The following WDPCP variants were observed in gnomAD, a reference collection of about 807,000 sequenced individuals.
The protein encoded by WDPCP is WD repeat-containing and planar cell polarity effector protein fritz homolog.
Under a neutral mutation model 93.1 loss-of-function variants are expected in WDPCP, and 71 were observed. That is an observed-to-expected ratio of 0.76 (90% CI 0.63 to 0.93). The LOEUF is 0.93. Ranked by LOEUF, WDPCP falls within the 40% of genes least tolerant of loss-of-function variation. The pLI is 0.00. For synonymous variants in WDPCP, 315 were observed against 315.0 expected, an observed-to-expected ratio of 1.00 and a Z score of 0.00; for missense variants, 844 against 887.4, an observed-to-expected ratio of 0.95 and a Z score of 0.62.
At chr2:63,835,020 G>A in the WDPCP span, among the ~76,000 whole-genome samples, 1 of 151,676 alleles carries the variant, frequency 6.6e-6, no homozygotes, top group Non-Finnish European at 1.5e-5. Context: ...TGGCATTTTG[G>A]TACTATCTGG....
intron 2 of WDPCP, among the ~76,000 whole-genome samples, chr2:63,776,242 C>T (rs1035912945): frequency 6.7e-6 from 1 of 150,228 alleles, no homozygotes; most frequent in Non-Finnish European, 1.5e-5. Context: ...TTGCAAATCA[C>T]ACCTCAGATA....
At chr2:63,798,684 C>T (rs1670648054) in intron 2 of WDPCP, among the ~76,000 whole-genome samples, 1 of 151,758 alleles carries the variant, frequency 6.6e-6, no homozygotes, top group Admixed American at 6.6e-5. Flanking sequence ...ACCAAACAAC[C>T]AGAAAATAAA....
chr2:63,256,586 G>C (rs941389181), intron 14 of WDPCP, among the ~76,000 whole-genome samples: 3 of 152,114 alleles, frequency 2.0e-5, no homozygotes, highest in Admixed American at 6.6e-5. Context: ...CAACTTCTAA[G>C]CACAGTCAAA....
At chr2:63,328,603 G>A (rs1687746992) in intron 12 of WDPCP, among the ~76,000 whole-genome samples, 1 of 152,202 alleles carries the variant, frequency 6.6e-6, no homozygotes, top group Non-Finnish European at 1.5e-5. Context: ...AACACTCACT[G>A]CGAGCGTCCG....
At chr2:63,756,519 A>G (rs943939752) in intron 2 of WDPCP, among the ~76,000 whole-genome samples, 2 of 152,190 alleles carry the variant, frequency 1.3e-5, no homozygotes, top group South Asian at 4.1e-4. Flanking sequence ...AATAACATTT[A>G]CCTCAAAACA....
rs750082429 is a variant in WDPCP, at chr2:63,147,455, C to T, written c.2190+5459G>A. ...TAAGTGGGTTATAGAGAATCAAGAA[C>T]GACAGAGACCACATATGGAGGAGCA... is the stretch of plus-strand genomic sequence containing the variant. On this transcript the variant is annotated intron_variant, in intron 17 of 17. Transcript: ENST00000272321. 1.6e-4 allele frequency among the ~76,000 whole-genome samples: 24 copies of T among 152,178 alleles called. No individual in the cohort carries two copies. The East Asian group carries it at 1.7e-3, about 11-fold the overall frequency.
At chr2:63,818,951 T>C (rs535549394) in intron 1 of WDPCP, among the ~76,000 whole-genome samples, 359 of 152,314 alleles carry the variant, frequency 2.4e-3, no homozygotes, top group African/African-American at 8.0e-3. Flanking sequence ...CACATATAAA[T>C]ATACATAAAT....
intron 10 of WDPCP, among the ~76,000 whole-genome samples, chr2:63,382,966 G>C (rs1692436991): frequency 6.6e-6 from 1 of 152,104 alleles, no homozygotes; most frequent in Non-Finnish European, 1.5e-5. Context: ...CTTGGCAGTA[G>C]ATATTAATTC....
In WDPCP at chr2:63,680,342, T is replaced by C. The variant is rs192039337; in HGVS notation, n.309-29504A>G. Among the ~76,000 whole-genome samples, 79 of 152,274 alleles carry C rather than the reference T, an allele frequency of 5.2e-4. 2 individuals carry two copies. The East Asian group carries it at 0.011, about 20-fold the overall frequency. On this transcript the variant is annotated intron_variant and non_coding_transcript_variant, in intron 2 of 4. Transcript: ENST00000467687. The stretch of plus-strand genomic sequence containing the variant: ...ATAGCTGATGCCACCCCCTCCCCCA[T>C]TCAGCAGCGGCTGCACAGCATGGAG...
At chr2:63,659,123 T>C (rs773095346) in intron 2 of WDPCP, among the ~76,000 whole-genome samples, 3 of 152,210 alleles carry the variant, frequency 2.0e-5, no homozygotes, top group Non-Finnish European at 4.4e-5. Context: ...AAATATAGCA[T>C]ACAGCATATT....
intron 2 of WDPCP, among the ~76,000 whole-genome samples, chr2:63,680,379 T>C (rs577969942): frequency 3.9e-5 from 6 of 152,316 alleles, no homozygotes; most frequent in African/African-American, 1.4e-4. Context: ...ATCTGTGTGC[T>C]TACAGGAGAG....
chr2:63,496,783 C>T (rs1484886224), intron 1 of WDPCP, among the ~76,000 whole-genome samples: 2 of 152,046 alleles, frequency 1.3e-5, no homozygotes, highest in South Asian at 2.1e-4. Flanking sequence ...TAAAAATGAC[C>T]CTTTTGTGGC....
chr2:63,507,091 A>G (rs1321612771), intron 1 of WDPCP, among the ~76,000 whole-genome samples: 2 of 152,092 alleles, frequency 1.3e-5, no homozygotes, highest in African/African-American at 4.8e-5. Flanking sequence ...TTATGAAGAA[A>G]TAATGCAAGA....
At chr2:63,438,185 G>A (rs1697264983) in intron 7 of WDPCP, among the ~76,000 whole-genome samples, 1 of 151,948 alleles carries the variant, frequency 6.6e-6, no homozygotes, top group African/African-American at 2.4e-5. Context: ...TATATAAAGG[G>A]CTATTAATGT....
intron 13 of WDPCP, among the ~76,000 whole-genome samples, chr2:63,282,901 C>T (rs1166383408): frequency 6.6e-6 from 1 of 152,176 alleles, no homozygotes; most frequent in Non-Finnish European, 1.5e-5. Context: ...CACTTTAAAT[C>T]ATCTCTTGAT....
intron 7 of WDPCP, among the ~76,000 whole-genome samples, chr2:63,438,996 A>T (rs1697326806): frequency 6.6e-6 from 1 of 152,106 alleles, no homozygotes; most frequent in Non-Finnish European, 1.5e-5. Flanking sequence ...CTGTATTCAA[A>T]TCTTAGCTCA....
rs1325631026 is a variant in WDPCP at position 63,396,860 on chromosome 2, T to C, written c.1435+7188A>G. ...ACCCCAGTGTTTGCTGTTCATTTGT[T>C]TGTGTTCATGAGTTGTCAGCATTTA... On this transcript the variant is annotated intron_variant, in intron 10 of 17. Transcript: ENST00000272321. Among the ~76,000 whole-genome samples, 5 of 152,266 alleles carry C rather than the reference T, an allele frequency of 3.3e-5. No individual in the cohort carries two copies. The East Asian group carries it at 7.7e-4, about 24-fold the overall frequency.
chr2:63,482,755 T>C (rs1203264191), intron 6 of WDPCP, among the ~76,000 whole-genome samples: 2 of 151,940 alleles, frequency 1.3e-5, no homozygotes, highest in Non-Finnish European at 2.9e-5. Flanking sequence ...CTTGTTAAAA[T>C]ATACCACATC....
intron 12 of WDPCP, among the ~76,000 whole-genome samples, chr2:63,335,650 G>A (rs1199696395): frequency 6.6e-6 from 1 of 152,014 alleles, no homozygotes; most frequent in South Asian, 2.1e-4. Flanking sequence ...CTGTTTTTGT[G>A]TGTTGATCCT....
Sources: allele counts gnomAD v4.1 joint callset (sites outside exome capture counted in the v4.1 genomes callset), GRCh38; gene constraint gnomAD v4.1.1; transcripts MANE v1.5; gene names NCBI Gene and HGNC (gene_info 2026-07-23, HGNC 2026-07-21).